The following SP140L variants were observed in gnomAD, a reference collection of about 807,000 sequenced individuals.
The protein encoded by SP140L is nuclear body protein SP140-like protein.
Under a neutral mutation model 84.3 loss-of-function variants are expected in SP140L, and 64 were observed. That is an observed-to-expected ratio of 0.76 (90% CI 0.62 to 0.94). The LOEUF is 0.94. SP140L is among the 40% of genes least tolerant of loss of function. The pLI is 0.00. For synonymous variants in SP140L, 242 were observed against 236.9 expected, an observed-to-expected ratio of 1.02 and a Z score of -0.20; for missense variants, 628 against 692.5, an observed-to-expected ratio of 0.91 and a Z score of 1.05.
intron 8 of SP140L, among the ~76,000 whole-genome samples, chr2:230,384,011 A>G (rs2061488628): frequency 6.6e-6 from 1 of 152,154 alleles, no homozygotes; most frequent in African/African-American, 2.4e-5. Flanking sequence ...CAATCCTTAC[A>G]TAGATATATG....
intron 5 of SP140L, among the ~76,000 whole-genome samples, chr2:230,365,191 C>G (rs1402875815): frequency 6.6e-6 from 1 of 151,958 alleles, no homozygotes; most frequent in Admixed American, 6.6e-5. Context: ...CAAATAGACC[C>G]CTTATTCAAT....
rs1190580743 is a variant in SP140L at position 230,346,079 on chromosome 2, C to T, written c.108-11726C>T. Reference sequence around the variant, plus strand: ...GTAAGACAAGTCTACTGATGATGAACTCCTTCAACTTTTGTTTTTTTGGAA... The same window carrying T: ...GTAAGACAAGTCTACTGATGATGAATTCCTTCAACTTTTGTTTTTTTGGAA... On this transcript the variant is annotated intron_variant, in intron 2 of 18. Coordinates refer to ENST00000415673, the MANE Select transcript of SP140L (RefSeq NM_138402.6). Among the ~76,000 whole-genome samples the T allele has an allele frequency of 2.6e-5, 4 of 152,114 alleles. No homozygotes were observed. The East Asian group carries it at 7.7e-4, about 29-fold the overall frequency.
intron 8 of SP140L, 26 bp from the exon 9 acceptor site, chr2:230,385,198 A>C (rs533836128): frequency 6.2e-7 from 1 of 1,611,906 alleles, no homozygotes; most frequent in South Asian, 1.1e-5. Flanking sequence ...AGTTCTATTA[A>C]TACATTTTCC....
chr2:230,337,085 G>C (rs964436339), intron 2 of SP140L, among the ~76,000 whole-genome samples: 1 of 152,152 alleles, frequency 6.6e-6, no homozygotes, highest in Non-Finnish European at 1.5e-5. Context: ...TTCCACAATG[G>C]TTGAACTAGT....
chr2:230,394,884 A>G (rs912534013), intron 13 of SP140L, among the ~76,000 whole-genome samples: 6 of 152,362 alleles, frequency 3.9e-5, no homozygotes, highest in Middle Eastern at 3.4e-3. Context: ...GCTCATGACA[A>G]GGGCCACATA....
chr2:230,393,354 GC>G, intron 12 of SP140L, 59 bp from the exon 13 acceptor site: 2 of 1,523,802 alleles, frequency 1.3e-6, no homozygotes, highest in Non-Finnish European at 1.8e-6. Flanking sequence ...GGTTGGAAAT[GC>G]CAGACTCACA....
At chr2:230,392,607 A>C (rs2061868847) in intron 12 of SP140L, among the ~76,000 whole-genome samples, 1 of 152,202 alleles carries the variant, frequency 6.6e-6, no homozygotes, top group South Asian at 2.1e-4. Context: ...CATAGTAAAA[A>C]TATTAACAGC....
intron 18 of SP140L, among the ~76,000 whole-genome samples, chr2:230,402,402 G>T (rs527259804): frequency 6.6e-6 from 1 of 152,314 alleles, no homozygotes; most frequent in Admixed American, 6.5e-5. Context: ...AATAAGAAAG[G>T]ATCATGCTGG....
At position 230,403,020 on chromosome 2, in the gene SP140L, C is replaced by T. The variant is rs1457047160; in HGVS notation, c.*124C>T. The T allele has an allele frequency of 1.4e-6, 1 of 699,766 alleles. No homozygotes were observed. Among genetic ancestry groups the T allele is most frequent in the East Asian group, 2.8e-5 (1 of 35,418 alleles). The allele number at this position is 699,766 out of a possible 1,614,324, so 43.3% of individuals were successfully genotyped here. A position where few individuals can be genotyped will look rare whatever the true frequency, so the allele number is the denominator to read the frequency against. On this transcript the variant is annotated 3_prime_UTR_variant, in exon 19 of 19. Transcript: ENST00000415673. ...CTTTTCTCTGAGCCTCCCTCATCTGCCCAAAAACAAATCCTCAAAAGAAAT... is the reference window on the plus strand; with the variant it reads ...CTTTTCTCTGAGCCTCCCTCATCTGTCCAAAAACAAATCCTCAAAAGAAAT...
At chr2:230,389,207 C>T (rs933073592) in intron 10 of SP140L, among the ~76,000 whole-genome samples, 5 of 152,086 alleles carry the variant, frequency 3.3e-5, no homozygotes, top group African/African-American at 7.2e-5. Flanking sequence ...GACCAAAGAC[C>T]GCTTCCCCTG....
chr2:230,360,427 A>C (rs2060679668), intron 4 of SP140L, among the ~76,000 whole-genome samples: 1 of 152,246 alleles, frequency 6.6e-6, no homozygotes, highest in South Asian at 2.1e-4. Context: ...TGGCTTATTG[A>C]TTTGTGTTAA....
At chr2:230,337,887 G>C (rs1164914089) in intron 2 of SP140L, among the ~76,000 whole-genome samples, 1 of 151,978 alleles carries the variant, frequency 6.6e-6, no homozygotes, top group African/African-American at 2.4e-5. Context: ...ATGCTGTTTT[G>C]GTTACTGTAG....
chr2:230,371,038 AG>A (rs2061050651), intron 6 of SP140L, 71 bp downstream of exon 6: 1 of 1,340,892 alleles, frequency 7.5e-7, no homozygotes, highest in African/African-American at 1.4e-5. Flanking sequence ...GAGTGGAGGC[AG>A]GTGCTCCAGT....
In SP140L at chr2:230,328,969, T is replaced by C. The variant is rs2059653862; in HGVS notation, c.107+138T>C. On this transcript the variant is annotated intron_variant, in intron 2 of 18. Transcript: ENST00000415673. The stretch of plus-strand genomic sequence containing the variant: ...TTATTTTTTGCCAATGTGATTCAGT[T>C]GAGGTGTTTGTCTTTTTTTCATGAT... The C allele has an allele frequency of 6.7e-6, 9 of 1,336,404 alleles. No homozygotes were observed. The South Asian group carries it at 1.2e-4, about 18-fold the overall frequency. The allele number at this position is 1,336,404 out of a possible 1,614,324, so 82.8% of individuals were successfully genotyped here. A position where few individuals can be genotyped will look rare whatever the true frequency, so the allele number is the denominator to read the frequency against.
At chr2:230,396,466 G>T (rs1012419428) in intron 13 of SP140L, among the ~76,000 whole-genome samples, 3 of 152,250 alleles carry the variant, frequency 2.0e-5, no homozygotes, top group Non-Finnish European at 4.4e-5. Flanking sequence ...GTAAGACAGA[G>T]AAATTATATT....
At position 230,333,351 on chromosome 2, in the gene SP140L, G is replaced by C. The variant is rs532351237; in HGVS notation, c.107+4520G>C. Reference sequence around the variant, plus strand: ...TTTTTTGTATTTTTAGTAGAGACAGGGTTTCACCATGTTTGCCAGGAAGGT... The same window carrying C: ...TTTTTTGTATTTTTAGTAGAGACAGCGTTTCACCATGTTTGCCAGGAAGGT... On this transcript the variant is annotated intron_variant, in intron 2 of 18. Coordinates refer to ENST00000415673, the MANE Select transcript of SP140L (RefSeq NM_138402.6). Among the ~76,000 whole-genome samples, 315 of 152,116 alleles carry C rather than the reference G, an allele frequency of 2.1e-3. 4 individuals carry two copies. The highest frequency in any genetic ancestry group is 9.7e-4 in the East Asian group (5 of 5,168).
intron 7 of SP140L, among the ~76,000 whole-genome samples, chr2:230,381,537 T>C (rs13397699): frequency 0.23 from 35,010 of 152,192 alleles, 4,263 homozygotes; most frequent in Non-Finnish European, 0.28. Flanking sequence ...GGTCCAGATA[T>C]ATTTGATTTG....
intron 2 of SP140L, among the ~76,000 whole-genome samples, chr2:230,353,189 C>G (rs1227498418): frequency 6.6e-6 from 1 of 151,974 alleles, no homozygotes; most frequent in Non-Finnish European, 1.5e-5. Context: ...TTCTAAATAG[C>G]CTGTAACTAC....
At chr2:230,393,066 A>C (rs2061891887) in intron 12 of SP140L, among the ~76,000 whole-genome samples, 1 of 152,160 alleles carries the variant, frequency 6.6e-6, no homozygotes. Context: ...GCATGCAATA[A>C]GTGTGTGCTG....
Sources: allele counts gnomAD v4.1 joint callset (sites outside exome capture counted in the v4.1 genomes callset), GRCh38; gene constraint gnomAD v4.1.1; transcripts MANE v1.5; gene names NCBI Gene and HGNC (gene_info 2026-07-23, HGNC 2026-07-21).